The following KLHL3 variants were observed in gnomAD, a reference collection of about 807,000 sequenced individuals.
KLHL3 encodes the protein kelch like family member 3, also known as kelch-like protein 3.
A neutral mutation model predicts 70.5 loss-of-function variants in KLHL3; 19 were observed. That is an observed-to-expected ratio of 0.27 (90% confidence interval 0.19 to 0.40). KLHL3 has a LOEUF of 0.40. KLHL3 is among the 10% of genes least tolerant of loss of function. The pLI is 1.00. For missense variants in KLHL3, 512 were observed against 771.1 expected, an observed-to-expected ratio of 0.66 and a Z score of 3.98; for synonymous variants, 258 against 290.3, an observed-to-expected ratio of 0.89 and a Z score of 1.13.
chr5:137,719,475 G>T (rs1752956504), intron 2 of KLHL3, among the ~76,000 whole-genome samples: 2 of 152,236 alleles, frequency 1.3e-5, no homozygotes, highest in African/African-American at 4.8e-5. Context: ...GTAAATAACT[G>T]CATGGGCAAA....
At chr5:137,638,277 A>AATAAAAATTC (rs1304498859) in intron 10 of KLHL3, among the ~76,000 whole-genome samples, 1 of 152,220 alleles carries the variant, frequency 6.6e-6, no homozygotes, top group African/African-American at 2.4e-5. Context: ...TGAAGACACA[A>AATAAAAATTC]ATAAAAATTC....
chr5:137,658,326 C>T, intron 7 of KLHL3, 46 bp from the exon 8 acceptor site: 4 of 1,599,026 alleles, frequency 2.5e-6, no homozygotes, highest in Non-Finnish European at 3.4e-6. Flanking sequence ...AGCTCAGCCA[C>T]ATTTCCCAAG....
At chr5:137,720,870 G>T in intron 1 of KLHL3, 1 of 1,219,002 alleles carries the variant, frequency 8.2e-7, no homozygotes, top group Non-Finnish European at 1.0e-6. Context: ...AAAACTGAAG[G>T]GGACTAAGCA....
intron 3 of KLHL3, among the ~76,000 whole-genome samples, chr5:137,702,559 G>A (rs1304485792): frequency 1.3e-5 from 2 of 152,184 alleles, no homozygotes; most frequent in African/African-American, 2.4e-5. Flanking sequence ...ACGCTAAGGA[G>A]TTTAGACTTC....
In KLHL3 at chr5:137,733,924, T is replaced by C. The variant is rs767640060; in HGVS notation, c.14+1709A>G. Among the ~76,000 whole-genome samples the C allele has an allele frequency of 5.9e-5, 9 of 152,302 alleles. No homozygotes were observed. The East Asian group carries it at 1.5e-3, about 26-fold the overall frequency. On this transcript the variant is annotated intron_variant, in intron 1 of 14. Transcript: ENST00000309755. ...TATGACCTGGGTGACCTGGTGAACA[T>C]TGGAAGCTGCTCGGTTTGGATTTCT...
At position 137,692,596 on chromosome 5, in the gene KLHL3, C is replaced by A. The variant is rs78038344; in HGVS notation, c.364-149G>T. On this transcript the variant is annotated intron_variant, in intron 4 of 14. Coordinates refer to ENST00000309755, the MANE Select transcript of KLHL3 (RefSeq NM_017415.3). ...CCAAACTTCCTAGCCTGCTTTCCAG[C>A]CTTATTTCCCACTACTCTGCCCTTC... 2.7e-3 allele frequency: 1,838 copies of A among 692,134 alleles called. 33 individuals are homozygous for A. The African/African-American group carries it at 0.029, about 11-fold the overall frequency. 42.9% of individuals were successfully genotyped at this position (692,134 alleles called of 1,614,324 possible).
At chr5:137,660,188 C>A (rs1349261871) in intron 7 of KLHL3, among the ~76,000 whole-genome samples, 1 of 152,226 alleles carries the variant, frequency 6.6e-6, no homozygotes, top group African/African-American at 2.4e-5. Flanking sequence ...TTGCCTCTGA[C>A]CCCCTTCTTT....
intron 8 of KLHL3, among the ~76,000 whole-genome samples, chr5:137,653,687 G>A (rs1751266496): frequency 6.6e-6 from 1 of 152,174 alleles, no homozygotes. Flanking sequence ...TTAAAAAACA[G>A]TTTAGCAATT....
In KLHL3 at chr5:137,698,354, T is replaced by C. The variant is rs1752494232; in HGVS notation, c.296A>G (p.Gln99Arg). 1.2e-6 allele frequency: 2 copies of C among 1,614,250 alleles called. No homozygotes were observed. The highest frequency in any genetic ancestry group is 1.6e-4 in the Middle Eastern group (1 of 6,062). Residue 99 changes from glutamine (Q) to arginine (R), a missense_variant, in exon 4 of 15, where the codon CAG becomes CGG. Physicochemically the swap from Gln to Arg is conservative, Grantham distance 43 (BLOSUM62 1). Transcript: ENST00000309755. The part of the protein sequence containing the change: ...KKIEIKDVDG[Q>R]TLSKLIDYIY... ...GTAGTCAATCAGCTTACTCAGCGTC[T>C]GCCCATCCACGTCCTTGATTTCTAT...
At chr5:137,663,657 G>A (rs752008745) in intron 6 of KLHL3, among the ~76,000 whole-genome samples, 3 of 152,024 alleles carry the variant, frequency 2.0e-5, no homozygotes, top group Admixed American at 6.5e-5. Flanking sequence ...TTTGCTTTTC[G>A]CAACTTTATG....
chr5:137,630,777 G>A (rs1750615312), intron 12 of KLHL3, among the ~76,000 whole-genome samples: 1 of 152,098 alleles, frequency 6.6e-6, no homozygotes, highest in Non-Finnish European at 1.5e-5. Context: ...AGGTCATATG[G>A]CAAATGACAG....
intron 4 of KLHL3, among the ~76,000 whole-genome samples, chr5:137,693,371 G>A (rs969363647): frequency 6.6e-6 from 1 of 152,196 alleles, no homozygotes; most frequent in African/African-American, 2.4e-5. Flanking sequence ...AATAGTTCTT[G>A]CTCAGGTGTA....
At position 137,695,400 on chromosome 5, in the gene KLHL3, C is replaced by T. The variant is rs147014510; in HGVS notation, c.363+2887G>A. 6.9e-4 allele frequency among the ~76,000 whole-genome samples: 105 copies of T among 152,256 alleles called. No homozygotes were observed. The Middle Eastern group carries it at 0.014, about 20-fold the overall frequency. ...TCTGGTTTCTCTAGTTGCTCTTTCC[C>T]TCTCTTTGACTCTGAGACTAGCTTA... On this transcript the variant is annotated intron_variant, in intron 4 of 14. Transcript: ENST00000309755.
In KLHL3 at chr5:137,628,400, A is replaced by G; in HGVS notation, c.1488T>C (p.Gly496=). Residue 496 remains glycine, a synonymous_variant, in exon 13 of 15, where the codon GGT becomes GGC. Transcript: ENST00000309755. The part of the protein sequence containing the change: ...GVLSGQLYAT[G]GHDGPLVRKS... ...TCCTCACCAAAGGCCCATCATGCCC[A>G]CCTGTGGCGTACAGCTGTCCGCTAA... 6 of 1,614,116 alleles carry G rather than the reference A, an allele frequency of 3.7e-6. No homozygotes were observed. The highest frequency in any genetic ancestry group is 4.2e-6 in the Non-Finnish European group (5 of 1,180,034).
intron 4 of KLHL3, 130 bp downstream of exon 4, chr5:137,698,154 CCTG>C: frequency 8.1e-7 from 1 of 1,231,564 alleles, no homozygotes; most frequent in South Asian, 1.5e-5. Context: ...GGGCAGGTCA[CCTG>C]ACCTCTCTGG....
In KLHL3 at chr5:137,633,475, A is replaced by G. The variant is rs148610285; in HGVS notation, c.1450+562T>C. Among the ~76,000 whole-genome samples, 687 of 152,242 alleles carry G rather than the reference A, an allele frequency of 4.5e-3. 7 individuals carry two copies. The highest frequency in any genetic ancestry group is 9.9e-3 in the Admixed American group (152 of 15,290). On this transcript the variant is annotated intron_variant, in intron 12 of 14. Coordinates refer to ENST00000309755, the MANE Select transcript of KLHL3 (RefSeq NM_017415.3). ...CAATCCCACTACTGGGTATCTATGC[A>G]AAGGAAAAGAAATCATTATATTAAA...
At chr5:137,626,916 A>G (rs1750476229) in intron 13 of KLHL3, among the ~76,000 whole-genome samples, 1 of 152,072 alleles carries the variant, frequency 6.6e-6, no homozygotes, top group African/African-American at 2.4e-5. Context: ...AGGTGGGAGG[A>G]TCTCTTGAGC....
intron 6 of KLHL3, among the ~76,000 whole-genome samples, chr5:137,663,121 G>A (rs1245291734): frequency 1.5e-5 from 2 of 133,910 alleles, no homozygotes; most frequent in Non-Finnish European, 3.0e-5. Flanking sequence ...GCAGTGGCAC[G>A]ATCTTGGCTC....
chr5:137,662,285 A>AC (rs70979551), intron 6 of KLHL3, among the ~76,000 whole-genome samples: 8 of 144,226 alleles, frequency 5.5e-5, no homozygotes, highest in African/African-American at 2.1e-4. Context: ...ACACACACAC[A>AC]AGGACAAACC....
Sources: gnomAD v4.1 joint callset for allele counts (sites outside exome capture counted in the v4.1 genomes callset) on GRCh38, gnomAD v4.1.1 for gene constraint, MANE v1.5 for transcripts, NCBI Gene and HGNC (gene_info 2026-07-23, HGNC 2026-07-21) for gene names.